The following MIB1 variants were observed in gnomAD, a reference collection of about 807,000 sequenced individuals.
MIB1 encodes the protein E3 ubiquitin-protein ligase MIB1.
A neutral mutation model predicts 124.5 loss-of-function variants in MIB1; 278 were observed. The ratio of observed to expected loss-of-function variants is 2.23; its 90% CI spans 2.02 to 2.47. The LOEUF (loss-of-function observed/expected upper bound fraction) is 2.47, where lower values mean the gene tolerates loss of function less well. Among genes scored for constraint, MIB1 ranks in the 30% most tolerant of loss-of-function variants. The pLI is 0.00. For synonymous variants in MIB1, 446 were observed against 429.4 expected (o/e 1.04, Z -0.48); for missense variants, 957 against 1,254.4 (o/e 0.76, Z 3.58).
chr18:21,781,633 T>A (rs2041369337), intron 6 of MIB1, among the ~76,000 whole-genome samples: 1 of 150,366 alleles, frequency 6.7e-6, no homozygotes, highest in Non-Finnish European at 1.5e-5. Flanking sequence ...CAGGCTGATC[T>A]TGAACCCCTG....
intron 1 of MIB1, among the ~76,000 whole-genome samples, chr18:21,708,187 G>A (rs888435233): frequency 2.6e-5 from 4 of 152,180 alleles, no homozygotes; most frequent in African/African-American, 9.7e-5. Context: ...ATCATGGTGT[G>A]TAGAAAATGT....
intron 2 of MIB1, among the ~76,000 whole-genome samples, chr18:21,766,764 C>CG (rs889626544): frequency 2.5e-4 from 38 of 152,016 alleles, no homozygotes; most frequent in African/African-American, 8.4e-4. Context: ...TAAGGCTGGG[C>CG]GGGTGGCTCA....
chr18:21,802,975 C>G (rs1216039828), intron 9 of MIB1, among the ~76,000 whole-genome samples: 1 of 152,150 alleles, frequency 6.6e-6, no homozygotes, highest in Non-Finnish European at 1.5e-5. Context: ...GCACATCAGA[C>G]TTATACCTGA....
At chr18:21,811,729 T>G (rs368668154) in intron 10 of MIB1, among the ~76,000 whole-genome samples, 3 of 152,088 alleles carry the variant, frequency 2.0e-5, no homozygotes, top group African/African-American at 7.2e-5. Context: ...GTGTAGAGTT[T>G]CAGTTTTCTC....
Position 21,740,992 on chromosome 18 carries a change from C to T in MIB1, c.-592C>T, listed in dbSNP as rs949357845. On this transcript the variant is annotated 5_prime_UTR_variant, in exon 1 of 21. Transcript: ENST00000261537. ...GCCCGGCTGGGACTCTGTGGCGGGG[C>T]GGAGCGCGGCGGCTGGTGCGGGGGC... Among the ~76,000 whole-genome samples, 2 of 152,128 alleles carry T rather than the reference C, an allele frequency of 1.3e-5. No individual in the cohort carries two copies. The highest frequency in any genetic ancestry group is 6.5e-5 in the Admixed American group (1 of 15,280).
At chr18:21,818,262 T>C (rs984579740) in intron 11 of MIB1, among the ~76,000 whole-genome samples, 20 of 152,322 alleles carry the variant, frequency 1.3e-4, no homozygotes, top group South Asian at 6.2e-4. Flanking sequence ...AGATTTTTTT[T>C]TCTCTTTTTT....
intron 7 of MIB1, 50 bp downstream of exon 7, chr18:21,791,607 T>C: frequency 7.1e-7 from 1 of 1,413,212 alleles, no homozygotes; most frequent in Middle Eastern, 1.8e-4. Flanking sequence ...TATACTTATG[T>C]CATTTTTAAA....
chr18:21,738,290 C>T (rs2040804563), upstream of MIB1, among the ~76,000 whole-genome samples: 1 of 152,182 alleles, frequency 6.6e-6, no homozygotes, highest in Non-Finnish European at 1.5e-5. Flanking sequence ...CAAAACCTCA[C>T]AGCTACATGG....
chr18:21,811,919 G>A (rs1175883541), intron 10 of MIB1, among the ~76,000 whole-genome samples: 3 of 152,068 alleles, frequency 2.0e-5, no homozygotes, highest in Non-Finnish European at 2.9e-5. Flanking sequence ...AAAAAATCAT[G>A]ATGGTTATTT....
chr18:21,794,347 T>G (rs934360747), intron 7 of MIB1, among the ~76,000 whole-genome samples: 1 of 151,516 alleles, frequency 6.6e-6, no homozygotes, highest in Non-Finnish European at 1.5e-5. Context: ...ATGCAAGAGA[T>G]AATGGCTAAG....
At chr18:21,730,282 C>G (rs1188456417) in intron 1 of MIB1, among the ~76,000 whole-genome samples, 2 of 152,092 alleles carry the variant, frequency 1.3e-5, no homozygotes, top group Non-Finnish European at 1.5e-5. Flanking sequence ...AAAATTAACA[C>G]TGGGCTGGGC....
At chr18:21,749,839 C>G (rs908061221) in intron 1 of MIB1, among the ~76,000 whole-genome samples, 1 of 151,560 alleles carries the variant, frequency 6.6e-6, no homozygotes, top group African/African-American at 2.4e-5. Context: ...ACCGTGTTTC[C>G]CCATGTTGGT....
At chr18:21,729,249 G>A (rs1018706109) in intron 1 of MIB1, among the ~76,000 whole-genome samples, 15 of 152,198 alleles carry the variant, frequency 9.9e-5, no homozygotes, top group African/African-American at 3.4e-4. Context: ...GGCTTGGTTA[G>A]TGAGGAAGAT....
At chr18:21,853,081 T>G in intron 17 of MIB1, 59 bp from the exon 18 acceptor site, 1 of 1,142,114 alleles carries the variant, frequency 8.8e-7, no homozygotes, top group Non-Finnish European at 1.3e-6. Flanking sequence ...ATTGAACTTG[T>G]TAAGAGTTAC....
In MIB1 at chr18:21,798,067, C is replaced by T. The variant is rs769610004; in HGVS notation, c.1093-17C>T. 6.2e-7 allele frequency: 1 copy of T among 1,611,160 alleles called. No individual in the cohort carries two copies. Among genetic ancestry groups the T allele is most frequent in the African/African-American group, 1.3e-5 (1 of 74,770 alleles). ...ATACTTTAGACTTGGAAACATGAAT[C>T]TATTTTTTTCCCCAAGACTTTAGGT... On this transcript the variant is annotated splice_polypyrimidine_tract_variant and intron_variant, in intron 7 of 20. Coordinates refer to ENST00000261537, the MANE Select transcript of MIB1 (RefSeq NM_020774.4).
At chr18:21,787,411 C>T (rs1057035684) in intron 6 of MIB1, among the ~76,000 whole-genome samples, 1 of 152,124 alleles carries the variant, frequency 6.6e-6, no homozygotes, top group African/African-American at 2.4e-5. Context: ...GTTTGCTAGT[C>T]CTGTCTCTTC....
In MIB1 at chr18:21,834,402, A is replaced by G. The variant is rs117642851; in HGVS notation, c.1830-3963A>G. Among the ~76,000 whole-genome samples the G allele has an allele frequency of 2.3e-4, 35 of 152,294 alleles. No homozygotes were observed. In the East Asian group the frequency reaches 6.4e-3, roughly 28 times the overall value. On this transcript the variant is annotated intron_variant, in intron 12 of 20. Coordinates refer to ENST00000261537, the MANE Select transcript of MIB1 (RefSeq NM_020774.4). ...TGTAGCACCCTCAAGGAGGTGAACT[A>G]TAACTTCCCGCTCCTTAAGTGTGGG...
intron 12 of MIB1, among the ~76,000 whole-genome samples, chr18:21,823,207 C>T (rs1340471344): frequency 7.0e-6 from 1 of 142,248 alleles, no homozygotes; most frequent in Non-Finnish European, 1.5e-5. Flanking sequence ...GCACTCTAGT[C>T]TGGGTTACAG....
At chr18:21,812,881 T>C (rs1346743511) in intron 10 of MIB1, among the ~76,000 whole-genome samples, 1 of 152,162 alleles carries the variant, frequency 6.6e-6, no homozygotes, top group Non-Finnish European at 1.5e-5. Context: ...ATTTGGAGTA[T>C]TTAAGATGGA....
Sources: gnomAD v4.1 joint callset for allele counts (sites outside exome capture counted in the v4.1 genomes callset) on GRCh38, gnomAD v4.1.1 for gene constraint, MANE v1.5 for transcripts, NCBI Gene and HGNC (gene_info 2026-07-23, HGNC 2026-07-21) for gene names.